CHMP7: variants seen among roughly 807,000 people sequenced by gnomAD.
CHMP7 encodes charged multivesicular body protein 7, also known as CHMP family, member 7.
CHMP7 carries 15 observed loss-of-function variants against 53.7 expected under a neutral mutation model. The ratio of observed to expected loss-of-function variants is 0.28; its 90% CI spans 0.19 to 0.43. The LOEUF (loss-of-function observed/expected upper bound fraction) is 0.43, where lower values mean the gene tolerates loss of function less well. CHMP7 is among the 20% of genes least tolerant of loss of function. CHMP7 has a pLI of 1.00. For missense variants in CHMP7, 527 were observed against 569.4 expected (o/e 0.93, Z 0.76); for synonymous variants, 261 against 228.0 (o/e 1.14, Z -1.30).
At chr8:23,252,139 A>G (rs368930101) in intron 3 of CHMP7, among the ~76,000 whole-genome samples, 2 of 148,138 alleles carry the variant, frequency 1.4e-5, no homozygotes, top group South Asian at 4.2e-4. Context: ...AGCCATTTAC[A>G]TATCTCCTTC....
At position 23,246,326 on chromosome 8, in the gene CHMP7, T is replaced by G; in HGVS notation, c.-370T>G. 4.5e-6 allele frequency: 1 copy of G among 223,590 alleles called. No homozygotes were observed. The allele number at this position is 223,590 out of a possible 1,614,324, so 13.9% of individuals were successfully genotyped here. ...TCTGCGGCTATTCCCCAGTTCCATT[T>G]TCTGAAGCCACAGGTCAGAAGCCGC... is the stretch of plus-strand genomic sequence containing the variant. On this transcript the variant is annotated 5_prime_UTR_variant, in exon 2 of 11. Transcript: ENST00000397677.
intron 1 of CHMP7, among the ~76,000 whole-genome samples, chr8:23,244,719 A>T (rs1801626533): frequency 1.3e-5 from 2 of 152,228 alleles, no homozygotes; most frequent in African/African-American, 2.4e-5. Context: ...TCTACAGATC[A>T]ATTTGGGAAG....
chr8:23,249,870 T>C (rs1419289927), intron 3 of CHMP7, among the ~76,000 whole-genome samples: 3 of 152,172 alleles, frequency 2.0e-5, no homozygotes, highest in Non-Finnish European at 4.4e-5. Flanking sequence ...GGTCCCGTCC[T>C]AGCCTCCTGG....
At position 23,255,351 on chromosome 8, in the gene CHMP7, A is replaced by AGATGAGAGGACCTTCTACTTGGTGTT; in HGVS notation, c.578_603dup (p.Leu202MetfsTer29). 1 of 1,614,200 alleles carries AGATGAGAGGACCTTCTACTTGGTGTT rather than the reference A, an allele frequency of 6.2e-7. No individual in the cohort carries two copies. Among genetic ancestry groups the AGATGAGAGGACCTTCTACTTGGTGTT allele is most frequent in the East Asian group, 2.2e-5 (1 of 44,878 alleles). On this transcript the variant is annotated frameshift_variant, in exon 4 of 11. Coordinates refer to ENST00000397677, the MANE Select transcript of CHMP7 (RefSeq NM_152272.5). LOFTEE classifies it high-confidence loss of function. Reference sequence around the variant, plus strand: ...GCACCCTCTGTGCTAACTCCTGCCCAGATGAGAGGACCTTCTACTTGGTGT... The same window carrying AGATGAGAGGACCTTCTACTTGGTGTT: ...GCACCCTCTGTGCTAACTCCTGCCCAGATGAGAGGACCTTCTACTTGGTGTTGATGAGAGGACCTTCTACTTGGTGT...
In CHMP7 at chr8:23,261,209, G is replaced by A. The variant is rs1031084594; in HGVS notation, c.*610G>A. ...TTCAGAGAAAGAGGTCGCCCCAAGT[G>A]GCCCAGAGTCGTGACAGTCCGGAGG... On this transcript the variant is annotated 3_prime_UTR_variant, in exon 11 of 11. Coordinates refer to ENST00000397677, the MANE Select transcript of CHMP7 (RefSeq NM_152272.5). 6.5e-6 allele frequency: 1 copy of A among 153,524 alleles called. No homozygotes were observed. Among genetic ancestry groups the A allele is most frequent in the Non-Finnish European group, 1.4e-5 (1 of 69,060 alleles). The allele number at this position is 153,524 out of a possible 1,614,324, so 9.5% of individuals were successfully genotyped here.
intron 2 of CHMP7, among the ~76,000 whole-genome samples, chr8:23,247,581 G>A (rs1447947225): frequency 6.6e-6 from 1 of 152,194 alleles, no homozygotes; most frequent in Non-Finnish European, 1.5e-5. Context: ...GACAGGTGCA[G>A]TTTTGGCGGT....
intron 5 of CHMP7, 95 bp downstream of exon 5, chr8:23,256,688 G>GT: frequency 1.3e-6 from 1 of 759,028 alleles, no homozygotes; most frequent in South Asian, 2.5e-5. Flanking sequence ...AAAAATAGGT[G>GT]GGTTTTTTTT....
chr8:23,253,424 C>T (rs1010876879), intron 3 of CHMP7, among the ~76,000 whole-genome samples: 7 of 152,228 alleles, frequency 4.6e-5, no homozygotes, highest in African/African-American at 1.7e-4. Flanking sequence ...GCTGGGATCA[C>T]AGGCGCTGCC....
chr8:23,248,158 A>T (rs1461261887), intron 2 of CHMP7: 29 of 456,192 alleles, frequency 6.4e-5, no homozygotes, highest in Admixed American at 6.1e-4. Context: ...GTTTTCGTTC[A>T]TGCCTGAAGC....
At chr8:23,255,458 C>G in intron 4 of CHMP7, 26 bp downstream of exon 4, 1 of 1,608,530 alleles carries the variant, frequency 6.2e-7, no homozygotes, top group Non-Finnish European at 8.5e-7. Flanking sequence ...TGTTCATTCA[C>G]TGACTCAGCA....
At position 23,249,355 on chromosome 8, in the gene CHMP7, GT is replaced by G. The variant is rs1199261997; in HGVS notation, c.446del (p.Val149AlafsTer8). ...AGATAATAAGGTTCCAGCTGAGGAG[GT>G]CCTTGTCGCTGTGGAGCTGTTGAAG... ...LGDNKVPAEE[V>X]LVAVELLKEK... On this transcript the variant is annotated frameshift_variant, in exon 3 of 11. Transcript: ENST00000397677. LOFTEE classifies it high-confidence loss of function. The G allele has an allele frequency of 6.2e-7, 1 of 1,609,058 alleles. No homozygotes were observed. Among genetic ancestry groups the G allele is most frequent in the Non-Finnish European group, 8.5e-7 (1 of 1,177,782 alleles).
At chr8:23,251,278 A>T (rs1400732001) in intron 3 of CHMP7, among the ~76,000 whole-genome samples, 1 of 152,240 alleles carries the variant, frequency 6.6e-6, no homozygotes, top group Non-Finnish European at 1.5e-5. Context: ...ATTGAAAAAT[A>T]AAAAAAGCAA....
At chr8:23,257,756 A>G (rs1802197685) in intron 5 of CHMP7, among the ~76,000 whole-genome samples, 1 of 152,206 alleles carries the variant, frequency 6.6e-6, no homozygotes, top group Admixed American at 6.5e-5. Flanking sequence ...TCTCCCCAAA[A>G]CAGGAAGATG....
At chr8:23,257,314 TCA>T (rs1167426022) in intron 5 of CHMP7, among the ~76,000 whole-genome samples, 2 of 152,066 alleles carry the variant, frequency 1.3e-5, no homozygotes, top group African/African-American at 4.8e-5. Context: ...CAGGCTGGTC[TCA>T]CACTCCTCGG....
chr8:23,244,416 G>C (rs189395185), intron 1 of CHMP7, among the ~76,000 whole-genome samples: 1 of 152,270 alleles, frequency 6.6e-6, no homozygotes, highest in East Asian at 1.9e-4. Context: ...TTGAACCATT[G>C]TATTGCCTTT....
chr8:23,243,889 T>C (rs973860066), intron 1 of CHMP7, 45 bp downstream of exon 1: 1 of 152,246 alleles, frequency 6.6e-6, no homozygotes, highest in African/African-American at 2.4e-5. Flanking sequence ...TGTTCCCCAA[T>C]GACATATGAT....
chr8:23,248,711 G>A (rs1201148225), intron 2 of CHMP7, among the ~76,000 whole-genome samples: 6 of 152,220 alleles, frequency 3.9e-5, no homozygotes, highest in African/African-American at 1.4e-4. Context: ...ACTGTTACCA[G>A]CACCACCAAA....
At chr8:23,248,862 C>G (rs1280638834) in intron 2 of CHMP7, among the ~76,000 whole-genome samples, 2 of 152,222 alleles carry the variant, frequency 1.3e-5, no homozygotes, top group African/African-American at 4.8e-5. Flanking sequence ...AAAAGGAGAT[C>G]TCACCGAAGG....
intron 1 of CHMP7, among the ~76,000 whole-genome samples, chr8:23,245,218 G>A (rs1801643773): frequency 1.3e-5 from 2 of 152,170 alleles, no homozygotes. Context: ...TGATTCCACT[G>A]GAAAACGATC....
Sources: gnomAD v4.1 joint callset for allele counts (sites outside exome capture counted in the v4.1 genomes callset) on GRCh38, gnomAD v4.1.1 for gene constraint, MANE v1.5 for transcripts, NCBI Gene and HGNC (gene_info 2026-07-23, HGNC 2026-07-21) for gene names.